Variants in ING3 observed in about 807,000 individuals in gnomAD.
The protein encoded by ING3 is inhibitor of growth family member 3.
A neutral mutation model predicts 64.8 loss-of-function variants in ING3; 6 were observed. That is an observed-to-expected ratio of 0.09 (90% CI 0.05 to 0.18). ING3 has a LOEUF of 0.18. Ranked by LOEUF, ING3 falls within the 10% of genes least tolerant of loss-of-function variation. The probability of loss-of-function intolerance (pLI) is 1.00; values close to 1 mark genes in which losing one functional copy is unlikely to be tolerated. For missense variants in ING3, 310 were observed against 489.7 expected, an observed-to-expected ratio of 0.63 and a Z score of 3.46; for synonymous variants, 170 against 173.7, an observed-to-expected ratio of 0.98 and a Z score of 0.17.
chr7:120,957,907 G>A (rs954919648), intron 4 of ING3, among the ~76,000 whole-genome samples: 4 of 152,194 alleles, frequency 2.6e-5, no homozygotes, highest in Non-Finnish European at 4.4e-5. Flanking sequence ...GTTTCCTGCT[G>A]TAAAAAAGCA....
chr7:120,964,881 T>A, intron 5 of ING3, 43 bp downstream of exon 5: 1 of 1,484,562 alleles, frequency 6.7e-7, no homozygotes, highest in Non-Finnish European at 9.4e-7. Context: ...GGACAGTACA[T>A]GTGCAAATCG....
chr7:120,959,583 A>C (rs1037765425), intron 4 of ING3, among the ~76,000 whole-genome samples: 14 of 149,106 alleles, frequency 9.4e-5, no homozygotes, highest in Non-Finnish European at 1.5e-4. Flanking sequence ...GTAGTCATTC[A>C]GATTAGGGCA....
chr7:120,960,084 A>T (rs1215972323), intron 4 of ING3, among the ~76,000 whole-genome samples: 1 of 152,218 alleles, frequency 6.6e-6, no homozygotes. Flanking sequence ...TAGTCTAAGG[A>T]GATGACGTTT....
chr7:120,950,944 G>A lies in ING3; in HGVS notation c.28+20G>A. On this transcript the variant is annotated intron_variant, in intron 1 of 11. Transcript: ENST00000315870. ...TGGAAAGTGAGTGCGCGGCGCTGGC[G>A]GCGGCCGCCAGTGGGACGTGCGGGC... 1.9e-6 allele frequency: 3 copies of A among 1,612,254 alleles called. No individual in the cohort carries two copies. The highest frequency in any genetic ancestry group is 2.5e-6 in the Non-Finnish European group (3 of 1,179,464).
chr7:120,959,605 C>A (rs1051738085), intron 4 of ING3, among the ~76,000 whole-genome samples: 1 of 150,134 alleles, frequency 6.7e-6, no homozygotes, highest in Non-Finnish European at 1.5e-5. Flanking sequence ...TGAAAGTCAC[C>A]CTATACTCCT....
In ING3 at chr7:120,964,333, G is replaced by A. The variant is rs575691691; in HGVS notation, c.268-409G>A. Among the ~76,000 whole-genome samples, 12 of 152,252 alleles carry A rather than the reference G, an allele frequency of 7.9e-5. No individual in the cohort carries two copies. The South Asian group carries it at 2.5e-3, about 32-fold the overall frequency. ...AAATAATAGCTTTTATCGTATGACAGTGTGGATGATGGCCTTATAAGCAGG... is the reference window on the plus strand; with the variant it reads ...AAATAATAGCTTTTATCGTATGACAATGTGGATGATGGCCTTATAAGCAGG... On this transcript the variant is annotated intron_variant, in intron 4 of 11. Transcript: ENST00000315870.
intron 2 of ING3, among the ~76,000 whole-genome samples, chr7:120,952,976 G>T (rs1030378792): frequency 1.3e-5 from 2 of 152,000 alleles, no homozygotes; most frequent in Admixed American, 1.3e-4. Flanking sequence ...TTGTGTTTCG[G>T]TACATTTGTC....
At chr7:120,965,716 G>A (rs1419521603) in intron 5 of ING3, among the ~76,000 whole-genome samples, 1 of 152,064 alleles carries the variant, frequency 6.6e-6, no homozygotes, top group Non-Finnish European at 1.5e-5. Context: ...AAGTCAGCTA[G>A]GGAAGCCAAT....
At chr7:120,959,114 T>C (rs190950624) in intron 4 of ING3, among the ~76,000 whole-genome samples, 1 of 152,344 alleles carries the variant, frequency 6.6e-6, no homozygotes, top group African/African-American at 2.4e-5. Flanking sequence ...TGACCTTTCT[T>C]AGTCTCCTTC....
At chr7:120,953,660 T>TC (rs1007085377) in intron 3 of ING3, among the ~76,000 whole-genome samples, 1 of 152,228 alleles carries the variant, frequency 6.6e-6, no homozygotes, top group African/African-American at 2.4e-5. Context: ...TACTTTTTTT[T>TC]CTATTAGTTT....
rs201208307 is a variant in ING3, at chr7:120,971,244, T to C, written c.1101+364T>C. ...GTCCAAGATCAAGGTGTCCACTGAC[T>C]CAGTTCTGGAGGAGGGCTCCCTTCC... On this transcript the variant is annotated intron_variant, in intron 10 of 11. Coordinates refer to ENST00000315870, the MANE Select transcript of ING3 (RefSeq NM_019071.3). 1.2e-4 allele frequency among the ~76,000 whole-genome samples: 19 copies of C among 152,284 alleles called. No individual in the cohort carries two copies. In the East Asian group the frequency reaches 3.5e-3, roughly 28 times the overall value.
intron 4 of ING3, among the ~76,000 whole-genome samples, chr7:120,964,067 T>C (rs1483701663): frequency 6.6e-6 from 1 of 152,154 alleles, no homozygotes; most frequent in Non-Finnish European, 1.5e-5. Context: ...TTTCTGAAAT[T>C]AGTCAAAAGA....
intron 10 of ING3, 66 bp from the exon 11 acceptor site, chr7:120,973,139 C>G (rs970125731): frequency 2.6e-5 from 20 of 777,110 alleles, no homozygotes; most frequent in Admixed American, 9.7e-5. Context: ...CATACATAAA[C>G]AGTTAATTGG....
At position 120,971,415 on chromosome 7, in the gene ING3, C is replaced by T. The variant is rs114819609; in HGVS notation, c.1101+535C>T. Among the ~76,000 whole-genome samples the T allele has an allele frequency of 4.0e-3, 615 of 152,322 alleles. 4 individuals carry two copies. Among genetic ancestry groups the T allele is most frequent in the African/African-American group, 0.013 (528 of 41,580 alleles). Reference sequence around the variant, plus strand: ...TCATTTAACCTTTACCACCTCCTCACAGGCCCTGTTTCCAATTATAGTCAC... The same window carrying T: ...TCATTTAACCTTTACCACCTCCTCATAGGCCCTGTTTCCAATTATAGTCAC... On this transcript the variant is annotated intron_variant, in intron 10 of 11. Coordinates refer to ENST00000315870, the MANE Select transcript of ING3 (RefSeq NM_019071.3).
At chr7:120,954,148 T>C (rs1795808922) in intron 3 of ING3, among the ~76,000 whole-genome samples, 1 of 152,146 alleles carries the variant, frequency 6.6e-6, no homozygotes, top group African/African-American at 2.4e-5. Flanking sequence ...CTAAGAGGCC[T>C]GGCGTGGTGG....
intron 8 of ING3, among the ~76,000 whole-genome samples, chr7:120,968,319 C>A (rs1170186272): frequency 6.6e-6 from 1 of 152,118 alleles, no homozygotes; most frequent in African/African-American, 2.4e-5. Flanking sequence ...TACATGCAGA[C>A]CCTTCTCACA....
Position 120,976,673 on chromosome 7 carries a change from G to A in ING3, c.*1829G>A, listed in dbSNP as rs183551667. Reference sequence around the variant, plus strand: ...CAAACTCATTCATTTTATAGAAATGGTCAAAGGAAAAAGCCTTATGTACAG... The same window carrying A: ...CAAACTCATTCATTTTATAGAAATGATCAAAGGAAAAAGCCTTATGTACAG... On this transcript the variant is annotated 3_prime_UTR_variant, in exon 12 of 12. Transcript: ENST00000315870. 1 of 152,176 alleles carries A rather than the reference G, an allele frequency of 6.6e-6. No homozygotes were observed. Among genetic ancestry groups the A allele is most frequent in the East Asian group, 1.9e-4 (1 of 5,180 alleles). The allele number at this position is 152,176 out of a possible 1,614,324, so 9.4% of individuals were successfully genotyped here. A position where few individuals can be genotyped will look rare whatever the true frequency, so the allele number is the denominator to read the frequency against.
At chr7:120,974,272 A>G (rs1362875571) in intron 11 of ING3, among the ~76,000 whole-genome samples, 1 of 152,228 alleles carries the variant, frequency 6.6e-6, no homozygotes, top group Non-Finnish European at 1.5e-5. Context: ...ATTTCAAGGA[A>G]TAGAAACACC....
At chr7:120,955,128 GTTTTGTT>G (rs1562972286) in intron 3 of ING3, among the ~76,000 whole-genome samples, 3 of 151,814 alleles carry the variant, frequency 2.0e-5, no homozygotes, top group Non-Finnish European at 4.4e-5. Context: ...TTTTTGTTTT[GTTTTGTT>G]TTTTGTTTTT....
Sources: gnomAD v4.1 joint callset for allele counts (sites outside exome capture counted in the v4.1 genomes callset) on GRCh38, gnomAD v4.1.1 for gene constraint, MANE v1.5 for transcripts, NCBI Gene and HGNC (gene_info 2026-07-23, HGNC 2026-07-21) for gene names.